Variants in RBFOX1 observed in about 807,000 individuals in gnomAD.
The protein encoded by RBFOX1 is RNA binding protein fox-1 homolog 1.
Under a neutral mutation model 57.7 loss-of-function variants are expected in RBFOX1, and 8 were observed. That is an observed-to-expected ratio of 0.14 (90% CI 0.08 to 0.25). RBFOX1 has a LOEUF of 0.25. Ranked by LOEUF, RBFOX1 falls within the 10% of genes least tolerant of loss-of-function variation. The probability of loss-of-function intolerance (pLI) is 1.00; values close to 1 mark genes in which losing one functional copy is unlikely to be tolerated. For missense variants in RBFOX1, 611 were observed against 548.5 expected (o/e 1.11, Z -1.14); for synonymous variants, 326 against 222.4 (o/e 1.47, Z -4.15).
At chr16:7,010,461 G>A (rs1238164835) in intron 3 of RBFOX1, among the ~76,000 whole-genome samples, 4 of 152,100 alleles carry the variant, frequency 2.6e-5, no homozygotes, top group Non-Finnish European at 5.9e-5. Context: ...GTGAGCATCC[G>A]AGGGGCTAGA....
chr16:5,999,316 C>G (rs1567238014), intron 4 of RBFOX1, among the ~76,000 whole-genome samples: 3 of 152,310 alleles, frequency 2.0e-5, no homozygotes, highest in African/African-American at 7.2e-5. Context: ...CTAACTTTGG[C>G]TTTTTCTCTC....
chr16:5,804,630 C>A (rs545467406), intron 3 of RBFOX1, among the ~76,000 whole-genome samples: 126 of 152,246 alleles, frequency 8.3e-4, no homozygotes, highest in African/African-American at 2.8e-3. Context: ...TGCTCTCCAC[C>A]CTGCTGCATC....
At chr16:7,176,421 A>C (rs939776144) in intron 4 of RBFOX1, among the ~76,000 whole-genome samples, 3 of 152,064 alleles carry the variant, frequency 2.0e-5, no homozygotes, top group African/African-American at 7.2e-5. Flanking sequence ...ATATTCATTT[A>C]TATAATAGAT....
At chr16:7,510,332 C>A in intron 4 of RBFOX1, 1 of 985,396 alleles carries the variant, frequency 1.0e-6, no homozygotes. Context: ...TTTTTTTTTC[C>A]ATTTAATCTT....
intron 3 of RBFOX1, among the ~76,000 whole-genome samples, chr16:6,996,952 A>G (rs927227750): frequency 6.6e-6 from 1 of 152,192 alleles, no homozygotes; most frequent in Non-Finnish European, 1.5e-5. Context: ...TTAATAAATT[A>G]TCAAGAAAGT....
intron 2 of RBFOX1, among the ~76,000 whole-genome samples, chr16:6,578,718 C>G (rs1382739916): frequency 6.6e-6 from 1 of 151,496 alleles, no homozygotes; most frequent in East Asian, 1.9e-4. Context: ...AGAATATTTT[C>G]CATTTATTTC....
At chr16:5,390,133 G>A (rs2066363876) in intron 1 of RBFOX1, among the ~76,000 whole-genome samples, 1 of 152,080 alleles carries the variant, frequency 6.6e-6, no homozygotes, top group Non-Finnish European at 1.5e-5. Context: ...TAACACTGAT[G>A]AAGTCGCACC....
At chr16:7,425,180 T>G (rs1441189259) in intron 4 of RBFOX1, among the ~76,000 whole-genome samples, 1 of 152,226 alleles carries the variant, frequency 6.6e-6, no homozygotes, top group Non-Finnish European at 1.5e-5. Flanking sequence ...TGTTTTGAAG[T>G]GCATTTTTGC....
intron 4 of RBFOX1, among the ~76,000 whole-genome samples, chr16:7,234,564 G>C (rs1346213196): frequency 6.6e-6 from 1 of 150,660 alleles, no homozygotes; most frequent in South Asian, 2.1e-4. Context: ...GAAGTCTTCT[G>C]TTGCAAATGA....
chr16:6,863,725 CTTTTTTTTTTTTT>C (rs71408412), intron 3 of RBFOX1, among the ~76,000 whole-genome samples: 2,788 of 67,854 alleles, frequency 0.041, 215 homozygotes, highest in African/African-American at 0.16. Flanking sequence ...GATGCCTGCG[CTTTTTTTTTTTTT>C]TTTTTTTTTT....
At chr16:7,401,451 G>A (rs1325756170) in intron 4 of RBFOX1, among the ~76,000 whole-genome samples, 2 of 152,102 alleles carry the variant, frequency 1.3e-5, no homozygotes, top group Non-Finnish European at 2.9e-5. Context: ...ATGGCTGTAT[G>A]GATCGATAGC....
At chr16:5,997,971 A>G (rs762355657) in intron 4 of RBFOX1, among the ~76,000 whole-genome samples, 36 of 152,352 alleles carry the variant, frequency 2.4e-4, no homozygotes, top group Non-Finnish European at 3.1e-4. Context: ...TTATTCCCAC[A>G]TAGGAAAAGC....
chr16:7,139,430 A>G (rs557359981), intron 4 of RBFOX1, among the ~76,000 whole-genome samples: 9 of 152,116 alleles, frequency 5.9e-5, no homozygotes, highest in Non-Finnish European at 1.2e-4. Context: ...AGAGACAAAG[A>G]GGGTCCTATA....
rs114717660 is a variant in RBFOX1 at position 7,468,618 on chromosome 16, G to C, written c.28-49529G>C. Among the ~76,000 whole-genome samples the C allele has an allele frequency of 3.4e-3, 514 of 152,250 alleles. 5 individuals carry two copies. Among genetic ancestry groups the C allele is most frequent in the African/African-American group, 0.012 (498 of 41,550 alleles). On this transcript the variant is annotated intron_variant, in intron 4 of 15. Transcript: ENST00000550418. Reference sequence around the variant, plus strand: ...TGTAGGTCCCAGAATGAGCCTTTTAGGAATCTGGGGAACTTATGTGTTGGT... The same window carrying C: ...TGTAGGTCCCAGAATGAGCCTTTTACGAATCTGGGGAACTTATGTGTTGGT...
chr16:5,243,975 C>T (rs868510447), intron 1 of RBFOX1, among the ~76,000 whole-genome samples: 56 of 152,194 alleles, frequency 3.7e-4, no homozygotes, highest in African/African-American at 1.3e-3. Context: ...CCGCTCACTG[C>T]AACCTCCACC....
chr16:6,801,546 T>C (rs989304619), intron 3 of RBFOX1, among the ~76,000 whole-genome samples: 4 of 151,940 alleles, frequency 2.6e-5, no homozygotes, highest in African/African-American at 7.3e-5. Context: ...GCCCTTGAAA[T>C]TTAGGGTGCA....
intron 3 of RBFOX1, among the ~76,000 whole-genome samples, chr16:6,925,744 G>C (rs2075457483): frequency 6.6e-6 from 1 of 151,874 alleles, no homozygotes; most frequent in Non-Finnish European, 1.5e-5. Flanking sequence ...CCCAAACACA[G>C]ACAAGCAAAG....
chr16:5,704,911 C>A (rs546319640), intron 3 of RBFOX1, among the ~76,000 whole-genome samples: 1 of 152,254 alleles, frequency 6.6e-6, no homozygotes, highest in African/African-American at 2.4e-5. Context: ...GGGGATTTAA[C>A]TACCCTCCTT....
chr16:5,874,805 C>T (rs2057563249), intron 4 of RBFOX1, among the ~76,000 whole-genome samples: 1 of 152,052 alleles, frequency 6.6e-6, no homozygotes, highest in South Asian at 2.1e-4. Flanking sequence ...ATTAGCCAGG[C>T]AATGTGGTGC....
Sources: allele counts gnomAD v4.1 joint callset (sites outside exome capture counted in the v4.1 genomes callset), GRCh38; gene constraint gnomAD v4.1.1; transcripts MANE v1.5; gene names NCBI Gene and HGNC (gene_info 2026-07-23, HGNC 2026-07-21).